CCBE1: variants seen among roughly 807,000 people sequenced by gnomAD.
CCBE1 encodes collagen and calcium binding EGF domains 1.
CCBE1 carries 37 observed loss-of-function variants against 50.0 expected under a neutral mutation model. The ratio of observed to expected loss-of-function variants is 0.74; its 90% CI spans 0.57 to 0.97. The LOEUF (loss-of-function observed/expected upper bound fraction) is 0.97. CCBE1 is among the 50% of genes least tolerant of loss of function. The probability of loss-of-function intolerance (pLI) is 0.00; values close to 1 mark genes in which losing one functional copy is unlikely to be tolerated. For missense variants in CCBE1, 538 were observed against 523.8 expected, an observed-to-expected ratio of 1.03 and a Z score of -0.26; for synonymous variants, 234 against 203.7, an observed-to-expected ratio of 1.15 and a Z score of -1.27.
chr18:59,692,806 C>A (rs1029765397), intron 2 of CCBE1, among the ~76,000 whole-genome samples: 1 of 152,132 alleles, frequency 6.6e-6, no homozygotes, highest in Non-Finnish European at 1.5e-5. Context: ...ACGGGCTGGA[C>A]AGATGAATAC....
chr18:59,685,163 T>C (rs908658426), intron 2 of CCBE1, among the ~76,000 whole-genome samples: 4 of 152,122 alleles, frequency 2.6e-5, no homozygotes, highest in African/African-American at 7.2e-5. Flanking sequence ...CCAAAGGTCA[T>C]TGAGTAGCTT....
At chr18:59,512,592 C>G (rs894709692) in intron 2 of CCBE1, among the ~76,000 whole-genome samples, 1 of 152,236 alleles carries the variant, frequency 6.6e-6, no homozygotes, top group Non-Finnish European at 1.5e-5. Flanking sequence ...CAGAGAGGCA[C>G]GAAGTGCTGA....
chr18:59,493,333 A>C (rs1913199484), intron 2 of CCBE1, among the ~76,000 whole-genome samples: 1 of 152,204 alleles, frequency 6.6e-6, no homozygotes, highest in African/African-American at 2.4e-5. Flanking sequence ...TTCATGTAAC[A>C]CCGAAAGTAG....
At chr18:59,515,841 C>A (rs1914345769) in intron 2 of CCBE1, among the ~76,000 whole-genome samples, 1 of 152,120 alleles carries the variant, frequency 6.6e-6, no homozygotes, top group South Asian at 2.1e-4. Flanking sequence ...TTCTTATCTG[C>A]AAAATGGGCA....
rs568746655 is a variant in CCBE1 at position 59,438,173 on chromosome 18, T to C, written c.952-27A>G. On this transcript the variant is annotated intron_variant, in intron 9 of 10. Transcript: ENST00000439986. ...TAAAAACAGAAAGGCCAGGGTTAGCTTTCTAGAGCACATGGATATCACAAG... is the reference window on the plus strand; with the variant it reads ...TAAAAACAGAAAGGCCAGGGTTAGCCTTCTAGAGCACATGGATATCACAAG... 9.9e-6 allele frequency: 16 copies of C among 1,612,546 alleles called. No individual in the cohort carries two copies. In the African/African-American group the frequency reaches 2.1e-4, roughly 21 times the overall value.
At chr18:59,645,184 G>A (rs368888589) in intron 2 of CCBE1, among the ~76,000 whole-genome samples, 31 of 152,074 alleles carry the variant, frequency 2.0e-4, no homozygotes, top group Non-Finnish European at 4.0e-4. Flanking sequence ...AGCCAAGATC[G>A]CACCACTGCA....
intron 2 of CCBE1, among the ~76,000 whole-genome samples, chr18:59,683,576 T>C (rs2054619685): frequency 6.6e-6 from 1 of 152,106 alleles, no homozygotes; most frequent in African/African-American, 2.4e-5. Flanking sequence ...CGCACGCCTG[T>C]AATCCCAGCT....
intron 2 of CCBE1, among the ~76,000 whole-genome samples, chr18:59,538,847 T>C (rs955569088): frequency 1.3e-5 from 2 of 152,074 alleles, no homozygotes; most frequent in African/African-American, 4.8e-5. Context: ...AACCAGCAGA[T>C]ATGGCAAGGT....
intron 2 of CCBE1, among the ~76,000 whole-genome samples, chr18:59,587,999 C>T (rs75427867): frequency 0.069 from 10,525 of 152,124 alleles, 1,099 homozygotes; most frequent in African/African-American, 0.22. Flanking sequence ...AAGAAGAAAT[C>T]GGATCCTGAT....
chr18:59,659,552 GAAC>G (rs1006211788), intron 2 of CCBE1, among the ~76,000 whole-genome samples: 1 of 152,074 alleles, frequency 6.6e-6, no homozygotes, highest in Non-Finnish European at 1.5e-5. Context: ...CTGAAAGAAA[GAAC>G]AACATCACGA....
chr18:59,534,028 A>G (rs1915150082), intron 2 of CCBE1, among the ~76,000 whole-genome samples: 2 of 152,184 alleles, frequency 1.3e-5, no homozygotes, highest in African/African-American at 4.8e-5. Context: ...AAAAAAATTG[A>G]CTTGGAGAAT....
At position 59,432,421 on chromosome 18, in the gene CCBE1, G is replaced by T. The variant is rs966100056; in HGVS notation, c.*3487C>A. On this transcript the variant is annotated 3_prime_UTR_variant, in exon 11 of 11. Transcript: ENST00000439986. ...TCTTTTTCCCTATAAAACATGAAAT[G>T]ACCTAGAAGCACTGTTACAAATCTT... 3.9e-5 allele frequency: 6 copies of T among 152,140 alleles called. No individual in the cohort carries two copies. The highest frequency in any genetic ancestry group is 1.4e-4 in the African/African-American group (6 of 41,424). The allele number at this position is 152,140 out of a possible 1,614,324, so 9.4% of individuals were successfully genotyped here.
At chr18:59,480,647 T>C (rs1260611317) in intron 2 of CCBE1, among the ~76,000 whole-genome samples, 1 of 152,150 alleles carries the variant, frequency 6.6e-6, no homozygotes, top group East Asian at 1.9e-4. Flanking sequence ...TAACAATACT[T>C]GGCTAATTAT....
intron 2 of CCBE1, among the ~76,000 whole-genome samples, chr18:59,641,053 T>C (rs1479016204): frequency 6.6e-6 from 1 of 152,248 alleles, no homozygotes; most frequent in Non-Finnish European, 1.5e-5. Flanking sequence ...TCAGCCATTG[T>C]GGAAAGCAAT....
At chr18:59,488,519 A>G (rs1361735384) in intron 2 of CCBE1, among the ~76,000 whole-genome samples, 1 of 152,194 alleles carries the variant, frequency 6.6e-6, no homozygotes, top group East Asian at 1.9e-4. Context: ...GGGCTAAGGT[A>G]ACAACCAGAA....
At chr18:59,534,315 A>G (rs74778030) in intron 2 of CCBE1, among the ~76,000 whole-genome samples, 1 of 152,336 alleles carries the variant, frequency 6.6e-6, no homozygotes, top group Admixed American at 6.5e-5. Context: ...ATTGAATCCC[A>G]AATCTGTAAG....
intron 2 of CCBE1, among the ~76,000 whole-genome samples, chr18:59,536,541 A>G (rs1469418602): frequency 6.6e-6 from 1 of 152,244 alleles, no homozygotes; most frequent in East Asian, 1.9e-4. Flanking sequence ...CGACTTTCCC[A>G]GAAAAACAAA....
chr18:59,688,584 T>C (rs1026420685), intron 2 of CCBE1, among the ~76,000 whole-genome samples: 3 of 152,238 alleles, frequency 2.0e-5, no homozygotes, highest in African/African-American at 7.2e-5. Context: ...AGGGTTATTC[T>C]ATTGGCACAG....
chr18:59,620,580 T>C (rs2144604395), intron 2 of CCBE1, among the ~76,000 whole-genome samples: 1 of 152,288 alleles, frequency 6.6e-6, no homozygotes, highest in Admixed American at 6.5e-5. Context: ...TTCCCATGTG[T>C]TGTGAAAGGG....
Sources: gnomAD v4.1 joint callset for allele counts (sites outside exome capture counted in the v4.1 genomes callset) on GRCh38, gnomAD v4.1.1 for gene constraint, MANE v1.5 for transcripts, NCBI Gene and HGNC (gene_info 2026-07-23, HGNC 2026-07-21) for gene names.